TCF4: variants seen among roughly 807,000 people sequenced by gnomAD.
TCF4 encodes the protein SL3-3 enhancer factor 2.
A neutral mutation model predicts 82.1 loss-of-function variants in TCF4; 3 were observed. The observed-to-expected ratio is 0.04, with a 90% CI of 0.02 to 0.09. The LOEUF (loss-of-function observed/expected upper bound fraction) is 0.09. Ranked by LOEUF, TCF4 falls within the 10% of genes least tolerant of loss-of-function variation. TCF4 has a pLI of 1.00. For missense variants in TCF4, 518 were observed against 852.7 expected (o/e 0.61, Z 4.89); for synonymous variants, 276 against 309.6 (o/e 0.89, Z 1.14).
chr18:55,395,819 G>T (rs907832494), intron 6 of TCF4, among the ~76,000 whole-genome samples: 1 of 152,170 alleles, frequency 6.6e-6, no homozygotes, highest in African/African-American at 2.4e-5. Context: ...GCTAAAATGT[G>T]AATTGGCATA....
At chr18:55,422,148 A>AAAAC (rs1556299552) in intron 5 of TCF4, 1 of 834,694 alleles carries the variant, frequency 1.2e-6, no homozygotes, top group Non-Finnish European at 1.4e-6. Flanking sequence ...AAAAAAAAAA[A>AAAAC]CCCACCCTGA....
At chr18:55,411,969 G>A (rs1056279832) in intron 5 of TCF4, among the ~76,000 whole-genome samples, 2 of 152,198 alleles carry the variant, frequency 1.3e-5, no homozygotes, top group Middle Eastern at 3.4e-3. Flanking sequence ...TTGAACTCCC[G>A]ACCTCAAGTG....
intron 15 of TCF4, among the ~76,000 whole-genome samples, chr18:55,245,257 A>G (rs934485847): frequency 1.3e-5 from 2 of 152,250 alleles, no homozygotes; most frequent in Admixed American, 6.5e-5. Flanking sequence ...TGAAAAATTT[A>G]CAGCCATAAT....
At chr18:55,425,240 A>G (rs998095596) in intron 5 of TCF4, among the ~76,000 whole-genome samples, 4 of 152,170 alleles carry the variant, frequency 2.6e-5, no homozygotes, top group African/African-American at 9.7e-5. Context: ...ATTTTACACA[A>G]CACTAGGCAG....
chr18:55,351,098 A>T, intron 6 of TCF4, 95 bp from the exon 7 acceptor site: 1 of 1,482,370 alleles, frequency 6.7e-7, no homozygotes, highest in Non-Finnish European at 9.4e-7. Flanking sequence ...AATGCAATAA[A>T]GCAAACAGCA....
intron 6 of TCF4, among the ~76,000 whole-genome samples, chr18:55,391,846 GA>G (rs2146174355): frequency 6.7e-6 from 1 of 150,206 alleles, no homozygotes; most frequent in Non-Finnish European, 1.5e-5. Flanking sequence ...GGTGAAACAG[GA>G]GCATCGCTTG....
chr18:55,506,328 G>A (rs993572697), intron 3 of TCF4, among the ~76,000 whole-genome samples: 4 of 152,150 alleles, frequency 2.6e-5, no homozygotes, highest in African/African-American at 9.7e-5. Context: ...ACTAATAAGT[G>A]TAACTCCAAT....
chr18:55,254,459 A>C, intron 15 of TCF4, 38 bp downstream of exon 15: 1 of 1,587,980 alleles, frequency 6.3e-7, no homozygotes, highest in African/African-American at 1.3e-5. Context: ...TTCTAACTCT[A>C]TATGATAACT....
intron 8 of TCF4, among the ~76,000 whole-genome samples, chr18:55,322,561 C>T (rs1003270554): frequency 6.6e-6 from 1 of 152,194 alleles, no homozygotes; most frequent in Non-Finnish European, 1.5e-5. Flanking sequence ...GCAGTGCGGC[C>T]CGCCCCGGGC....
upstream of TCF4, chr18:55,588,336 CG>C: frequency 6.8e-7 from 1 of 1,480,290 alleles, no homozygotes; most frequent in Non-Finnish European, 8.9e-7. Context: ...GGGGCTCCGG[CG>C]GGGAGACGCG....
chr18:55,567,643 G>T (rs2097421267), intron 3 of TCF4, among the ~76,000 whole-genome samples: 1 of 152,040 alleles, frequency 6.6e-6, no homozygotes, highest in Admixed American at 6.5e-5. Flanking sequence ...AACCCAGGAG[G>T]CTGAGGTTGC....
intron 3 of TCF4, among the ~76,000 whole-genome samples, chr18:55,468,702 T>C (rs1209150718): frequency 6.6e-6 from 1 of 152,186 alleles, no homozygotes; most frequent in Non-Finnish European, 1.5e-5. Context: ...AGTTCTTTAT[T>C]GAAATGAGTT....
At chr18:55,251,788 C>T (rs1057010432) in intron 15 of TCF4, among the ~76,000 whole-genome samples, 28 of 152,190 alleles carry the variant, frequency 1.8e-4, no homozygotes, top group South Asian at 2.1e-4. Flanking sequence ...CTGAAGTTTC[C>T]GGTGCATACC....
chr18:55,570,526 G>T (rs943069456), intron 3 of TCF4, among the ~76,000 whole-genome samples: 1 of 152,058 alleles, frequency 6.6e-6, no homozygotes, highest in Non-Finnish European at 1.5e-5. Context: ...GAGTGGACAT[G>T]AATGATCTGA....
At chr18:55,520,952 C>G (rs1210377516) in intron 3 of TCF4, among the ~76,000 whole-genome samples, 1 of 152,052 alleles carries the variant, frequency 6.6e-6, no homozygotes, top group Non-Finnish European at 1.5e-5. Context: ...GTCTAATTAT[C>G]CAGTTTGTGA....
chr18:55,454,345 G>C (rs12606995), intron 5 of TCF4, among the ~76,000 whole-genome samples: 37,904 of 151,808 alleles, frequency 0.25, 4,857 homozygotes, highest in East Asian at 0.44. Flanking sequence ...TCTGGTTTAG[G>C]GTCTTCTTCT....
intron 8 of TCF4, among the ~76,000 whole-genome samples, chr18:55,349,148 C>T (rs556968814): frequency 1.3e-5 from 2 of 152,138 alleles, no homozygotes; most frequent in African/African-American, 4.8e-5. Context: ...CATTGGCAAT[C>T]TTATTTACAC....
At chr18:55,380,415 C>T (rs2091696625) in intron 6 of TCF4, among the ~76,000 whole-genome samples, 1 of 152,020 alleles carries the variant, frequency 6.6e-6, no homozygotes, top group Non-Finnish European at 1.5e-5. Context: ...GCTAACCCTC[C>T]CCTCGTCCCC....
chr18:55,424,650 A>G (rs190696156), intron 5 of TCF4, among the ~76,000 whole-genome samples: 11 of 152,312 alleles, frequency 7.2e-5, no homozygotes, highest in Admixed American at 6.5e-4. Context: ...CACCTACCCC[A>G]TTTGAAAAAA....
Sources: allele counts gnomAD v4.1 joint callset (sites outside exome capture counted in the v4.1 genomes callset), GRCh38; gene constraint gnomAD v4.1.1; transcripts MANE v1.5; gene names NCBI Gene and HGNC (gene_info 2026-07-23, HGNC 2026-07-21).